The following RTN4RL1 variants were observed in gnomAD, a reference collection of about 807,000 sequenced individuals.
RTN4RL1 encodes the protein reticulon 4 receptor like 1.
In RTN4RL1, 7 loss-of-function variants were observed where a neutral mutation model predicts 25.6. That is an observed-to-expected ratio of 0.27 (90% CI 0.16 to 0.51). The LOEUF (loss-of-function observed/expected upper bound fraction) is 0.51, where lower values mean the gene tolerates loss of function less well. Among genes scored for constraint, RTN4RL1 ranks in the 20% least tolerant of loss-of-function variants. The probability of loss-of-function intolerance (pLI) is 0.97; values close to 1 mark genes in which losing one functional copy is unlikely to be tolerated. For synonymous variants in RTN4RL1, 297 were observed against 288.2 expected (o/e 1.03, Z -0.31); for missense variants, 500 against 615.6 (o/e 0.81, Z 1.99).
At chr17:2,017,833 T>G (rs573175448) in intron 1 of RTN4RL1, 1 of 152,326 alleles carries the variant, frequency 6.6e-6, no homozygotes, top group African/African-American at 2.4e-5. Context: ...GGTTAGACAG[T>G]GATCACAGGT....
At chr17:1,968,070 G>A (rs2066800623) in intron 1 of RTN4RL1, among the ~76,000 whole-genome samples, 1 of 152,070 alleles carries the variant, frequency 6.6e-6, no homozygotes, top group Admixed American at 6.6e-5. Context: ...TCAGCCCCTG[G>A]CATGGGCACC....
chr17:1,960,423 C>T (rs1006150107), intron 1 of RTN4RL1, among the ~76,000 whole-genome samples: 1 of 152,080 alleles, frequency 6.6e-6, no homozygotes, highest in Non-Finnish European at 1.5e-5. Context: ...ACGTCGCCCT[C>T]GTGAGCGGCC....
At chr17:2,024,408 G>A (rs1172827835) in intron 1 of RTN4RL1, among the ~76,000 whole-genome samples, 1 of 152,164 alleles carries the variant, frequency 6.6e-6, no homozygotes, top group Non-Finnish European at 1.5e-5. Flanking sequence ...CGCGCGGGGA[G>A]CGCCCGGGCC....
chr17:1,977,503 G>T (rs968055982), intron 1 of RTN4RL1, among the ~76,000 whole-genome samples: 8 of 152,114 alleles, frequency 5.3e-5, no homozygotes, highest in African/African-American at 1.9e-4. Context: ...GAGCGGGGTC[G>T]AGAGCCGCCC....
chr17:1,980,679 A>G (rs554816114), intron 1 of RTN4RL1, among the ~76,000 whole-genome samples: 2 of 152,122 alleles, frequency 1.3e-5, no homozygotes, highest in Non-Finnish European at 2.9e-5. Flanking sequence ...ATCAAAGTGG[A>G]GCATTTGGGA....
At chr17:1,940,012 G>C (rs146780193) in intron 1 of RTN4RL1, among the ~76,000 whole-genome samples, 2 of 152,202 alleles carry the variant, frequency 1.3e-5, no homozygotes, top group Non-Finnish European at 1.5e-5. Context: ...GGCCACTCTC[G>C]GGCCAGCCCT....
intron 1 of RTN4RL1, among the ~76,000 whole-genome samples, chr17:1,945,900 C>T (rs1915528343): frequency 6.6e-6 from 1 of 152,210 alleles, no homozygotes; most frequent in Non-Finnish European, 1.5e-5. Context: ...AGAGATGCTG[C>T]TCAGGAAGCC....
chr17:2,017,986 C>A, intron 1 of RTN4RL1: 1 of 152,432 alleles, frequency 6.6e-6, no homozygotes, highest in South Asian at 2.1e-4. Context: ...GAACTGACCT[C>A]TCTGGGACTC....
intron 1 of RTN4RL1, among the ~76,000 whole-genome samples, chr17:1,972,624 C>A (rs2066825339): frequency 2.0e-5 from 3 of 152,198 alleles, no homozygotes; most frequent in Admixed American, 6.6e-5. Context: ...CTAGCCTGCC[C>A]CAGACTCGTG....
intron 1 of RTN4RL1, among the ~76,000 whole-genome samples, chr17:1,991,446 TAAA>T (rs764604442): frequency 6.4e-5 from 2 of 31,246 alleles, no homozygotes; most frequent in African/African-American, 1.2e-4. Context: ...ATGCACATAG[TAAA>T]AAAAAAAAAA....
chr17:1,980,926 C>CAAAAAAAGAAAA (rs2066864507), intron 1 of RTN4RL1, among the ~76,000 whole-genome samples: 1 of 87,148 alleles, frequency 1.1e-5, no homozygotes, highest in South Asian at 4.7e-4. Flanking sequence ...GATTCTATCT[C>CAAAAAAAGAAAA]AAAAAAAAAA....
At chr17:1,982,563 G>A (rs1444475430) in intron 1 of RTN4RL1, among the ~76,000 whole-genome samples, 6 of 152,248 alleles carry the variant, frequency 3.9e-5, no homozygotes, top group Admixed American at 6.5e-5. Flanking sequence ...GCAGTGAGCC[G>A]AGATCGCGCC....
At chr17:1,970,319 C>A (rs192669170) in intron 1 of RTN4RL1, among the ~76,000 whole-genome samples, 3 of 152,160 alleles carry the variant, frequency 2.0e-5, no homozygotes, top group Non-Finnish European at 4.4e-5. Context: ...CTGTGCCTGG[C>A]GAGGATTTCT....
intron 1 of RTN4RL1, among the ~76,000 whole-genome samples, chr17:1,991,968 CG>C (rs1831037729): frequency 6.6e-6 from 1 of 152,104 alleles, no homozygotes; most frequent in Non-Finnish European, 1.5e-5. Flanking sequence ...AGAGGAGAGA[CG>C]TGTACTGAGC....
At chr17:2,018,463 C>A (rs2067155680) in intron 1 of RTN4RL1, among the ~76,000 whole-genome samples, 1 of 152,158 alleles carries the variant, frequency 6.6e-6, no homozygotes, top group African/African-American at 2.4e-5. Context: ...CAGATCCCAG[C>A]CAGAGAGGCT....
intron 1 of RTN4RL1, among the ~76,000 whole-genome samples, chr17:1,982,613 C>CAAAAGAAAAG (rs71150842): frequency 0.026 from 3,841 of 149,050 alleles, 79 homozygotes; most frequent in African/African-American, 0.055. Flanking sequence ...GACTCCGTCT[C>CAAAAGAAAAG]AAAAGAAAAG....
At chr17:1,937,868 A>AC (rs1915345629) in intron 1 of RTN4RL1, 60 bp from the exon 2 acceptor site, 2 of 1,315,472 alleles carry the variant, frequency 1.5e-6, no homozygotes. Flanking sequence ...CTGGCACCGC[A>AC]CCCTCCGGCG....
At chr17:1,961,510 T>C (rs2066760835) in intron 1 of RTN4RL1, among the ~76,000 whole-genome samples, 1 of 151,048 alleles carries the variant, frequency 6.6e-6, no homozygotes, top group Non-Finnish European at 1.5e-5. Context: ...GGTCTGGGAG[T>C]TGGGTTTGAT....
At chr17:1,980,457 A>G (rs1387075345) in intron 1 of RTN4RL1, among the ~76,000 whole-genome samples, 1 of 152,104 alleles carries the variant, frequency 6.6e-6, no homozygotes, top group Non-Finnish European at 1.5e-5. Context: ...GCTTTTTAAA[A>G]GCTTCGGCTA....
Sources: allele counts gnomAD v4.1 joint callset (sites outside exome capture counted in the v4.1 genomes callset), GRCh38; gene constraint gnomAD v4.1.1; transcripts MANE v1.5; gene names NCBI Gene and HGNC (gene_info 2026-07-23, HGNC 2026-07-21).